MFSD2A: variants seen among roughly 807,000 people sequenced by gnomAD.
The protein encoded by MFSD2A is MFSD2 lysolipid transporter A, lysophospholipid.
A neutral mutation model predicts 64.7 loss-of-function variants in MFSD2A; 27 were observed. That is an observed-to-expected ratio of 0.42 (90% CI 0.31 to 0.58). The LOEUF is 0.58. MFSD2A is among the 20% of genes least tolerant of loss of function. The probability of loss-of-function intolerance (pLI) is 0.18; values close to 1 mark genes in which losing one functional copy is unlikely to be tolerated. For missense variants in MFSD2A, 474 were observed against 679.5 expected, an observed-to-expected ratio of 0.70 and a Z score of 3.36; for synonymous variants, 258 against 273.4, an observed-to-expected ratio of 0.94 and a Z score of 0.55.
At position 39,955,192 on chromosome 1, in the gene MFSD2A, C is replaced by A. The variant is rs1245401548; in HGVS notation, c.-101C>A. 3.0e-6 allele frequency: 3 copies of A among 1,010,686 alleles called. No homozygotes were observed. Among genetic ancestry groups the A allele is most frequent in the South Asian group, 6.9e-5 (2 of 29,144 alleles). 62.6% of individuals were successfully genotyped at this position (1,010,686 alleles called of 1,614,324 possible). Reference sequence around the variant, plus strand: ...GCCGGCTTGGCTAGCGCGCGGCGGCCGTGGCTAAGGCTGCTACGAAGCGAG... The same window carrying A: ...GCCGGCTTGGCTAGCGCGCGGCGGCAGTGGCTAAGGCTGCTACGAAGCGAG... On this transcript the variant is annotated 5_prime_UTR_variant, in exon 1 of 14. Transcript: ENST00000372811. The surrounding 1 kb of genome is among the most constrained non-coding windows in gnomAD (Gnocchi z 5.9).
chr1:39,969,090 G>A (rs970499855), intron 13 of MFSD2A, among the ~76,000 whole-genome samples: 2 of 152,224 alleles, frequency 1.3e-5, no homozygotes, highest in African/African-American at 4.8e-5. Context: ...AGGTGAAGAA[G>A]TTGAGGTTTC....
rs1644917988 is a variant in MFSD2A at position 39,955,912 on chromosome 1, G to A, written c.93+527G>A. 4.5e-6 allele frequency: 1 copy of A among 223,110 alleles called. No individual in the cohort carries two copies. The highest frequency in any genetic ancestry group is 9.4e-6 in the Non-Finnish European group (1 of 106,838). 13.8% of individuals were successfully genotyped at this position (223,110 alleles called of 1,614,324 possible). On this transcript the variant is annotated intron_variant, in intron 1 of 13. Transcript: ENST00000372811. The surrounding 1 kb of genome is among the most constrained non-coding windows in gnomAD (Gnocchi z 5.9). ...GATGTTCGCGCGGGAACGGTGCTTT[G>A]CGCATCGAGACCATCGACCACATCC...
rs1644980437 is a variant in MFSD2A, at chr1:39,958,921, TGAG to T, written c.353+100_353+102del. On this transcript the variant is annotated intron_variant, in intron 3 of 13. Coordinates refer to ENST00000372811, the MANE Select transcript of MFSD2A (RefSeq NM_032793.5). The surrounding 1 kb of genome is among the most constrained non-coding windows in gnomAD (Gnocchi z 4.7). ...CTCTGTCTTGTCACAGGCAGAAGGG[TGAG>T]GAGAAGGAAGGAGTTAAAAGCCCAA... The T allele has an allele frequency of 4.9e-6, 7 of 1,414,276 alleles. No individual in the cohort carries two copies. The highest frequency in any genetic ancestry group is 6.7e-6 in the Non-Finnish European group (7 of 1,047,384). 87.6% of individuals were successfully genotyped at this position (1,414,276 alleles called of 1,614,324 possible).
chr1:39,958,962 C>A lies in MFSD2A; in HGVS notation c.353+137C>A. On this transcript the variant is annotated intron_variant, in intron 3 of 13. Coordinates refer to ENST00000372811, the MANE Select transcript of MFSD2A (RefSeq NM_032793.5). This position sits in a 1 kb window ranked among gnomAD's most constrained non-coding sequence, Gnocchi z 4.7. Reference sequence around the variant, plus strand: ...GTTAAAAGCCCAAGGGTGTTGAAACCCCATCCGAGGCATCAGCTACCCTGA... The same window carrying A: ...GTTAAAAGCCCAAGGGTGTTGAAACACCATCCGAGGCATCAGCTACCCTGA... 1.9e-6 allele frequency: 2 copies of A among 1,052,858 alleles called. No homozygotes were observed. Among genetic ancestry groups the A allele is most frequent in the Non-Finnish European group, 2.7e-6 (2 of 733,096 alleles). The allele number at this position is 1,052,858 out of a possible 1,614,324, so 65.2% of individuals were successfully genotyped here.
rs959986763 is a variant in MFSD2A at position 39,965,670 on chromosome 1, A to G, written c.556+121A>G. ...TGGGTGTGAAACCATCTTAAAAATA[A>G]CTCAATCCCCTTATTGCTCAGATGA... is the stretch of plus-strand genomic sequence containing the variant. On this transcript the variant is annotated intron_variant, in intron 5 of 13. Transcript: ENST00000372811. This position sits in a 1 kb window ranked among gnomAD's most constrained non-coding sequence, Gnocchi z 5.5. The G allele has an allele frequency of 3.2e-6, 4 of 1,269,526 alleles. No individual in the cohort carries two copies. The African/African-American group carries it at 5.9e-5, about 19-fold the overall frequency. The allele number at this position is 1,269,526 out of a possible 1,614,324, so 78.6% of individuals were successfully genotyped here.
intron 6 of MFSD2A, among the ~76,000 whole-genome samples, 184 bp downstream of exon 6, chr1:39,966,198 A>T (rs1645157570): frequency 6.6e-6 from 1 of 152,266 alleles, no homozygotes. Flanking sequence ...GAGAGGCTGA[A>T]TAAGTTGCCC....
chr1:39,962,807 C>T, intron 3 of MFSD2A: 1 of 1,219,398 alleles, frequency 8.2e-7, no homozygotes, highest in Non-Finnish European at 1.2e-6. Flanking sequence ...TCTCTCTGCC[C>T]ATTAAGGGAT....
chr1:39,962,678 G>A (rs533799636), intron 3 of MFSD2A: 16 of 778,598 alleles, frequency 2.1e-5, no homozygotes, highest in South Asian at 1.2e-4. Flanking sequence ...GACGGGGCCC[G>A]GGCCGAAGCT....
Position 39,965,441 on chromosome 1 carries a change from G to A in MFSD2A, c.478-30G>A. 1 of 1,613,800 alleles carries A rather than the reference G, an allele frequency of 6.2e-7. No homozygotes were observed. The highest frequency in any genetic ancestry group is 1.3e-5 in the African/African-American group (1 of 74,970). ...GCTACATCAGTGTGTCCACCCGCCTGACCAGCCAATGACCTGTCTTCTATG... is the reference window on the plus strand; with the variant it reads ...GCTACATCAGTGTGTCCACCCGCCTAACCAGCCAATGACCTGTCTTCTATG... On this transcript the variant is annotated intron_variant, in intron 4 of 13. Transcript: ENST00000372811. The surrounding 1 kb of genome is among the most constrained non-coding windows in gnomAD (Gnocchi z 5.5).
intron 6 of MFSD2A, among the ~76,000 whole-genome samples, chr1:39,966,340 G>A (rs1645160563): frequency 6.6e-6 from 1 of 152,096 alleles, no homozygotes; most frequent in Non-Finnish European, 1.5e-5. Flanking sequence ...AAGTTGCCCA[G>A]GCTGGTTTCA....
chr1:39,966,631 A>C lies in MFSD2A; in HGVS notation c.745A>C (p.Ile249Leu), dbSNP rs776169997. The C allele has an allele frequency of 6.2e-7, 1 of 1,613,806 alleles. No homozygotes were observed. Among genetic ancestry groups the C allele is most frequent in the South Asian group, 1.1e-5 (1 of 91,036 alleles). The change falls in exon 7 of 14, where the codon ATT becomes CTT. Residue 249 changes from isoleucine (I) to leucine (L), a missense_variant. Coordinates refer to ENST00000372811, the MANE Select transcript of MFSD2A (RefSeq NM_032793.5). ...QKAYLLAAGVIVCIYIICAVI... is the reference protein window; with the variant it reads ...QKAYLLAAGVLVCIYIICAVI... ...GGCATACCTGCTGGCAGCGGGGGTC[A>C]TTGTCTGTATCTATATAATCTGTGC...
intron 7 of MFSD2A, 54 bp downstream of exon 7, chr1:39,966,745 T>C: frequency 1.2e-6 from 2 of 1,613,430 alleles, no homozygotes; most frequent in South Asian, 2.2e-5. Context: ...GCTGTATCTT[T>C]CTGCCTGGCC....
intron 6 of MFSD2A, 91 bp downstream of exon 6, chr1:39,966,105 TTAAA>T: frequency 6.9e-7 from 1 of 1,441,352 alleles, no homozygotes; most frequent in East Asian, 2.4e-5. Context: ...CTAGTGTTTA[TTAAA>T]TAAATGTTGG....
chr1:39,968,506 C>A lies in MFSD2A; in HGVS notation c.1352+29C>A. On this transcript the variant is annotated intron_variant, in intron 12 of 13. Transcript: ENST00000372811. The surrounding 1 kb of genome is among the most constrained non-coding windows in gnomAD (Gnocchi z 4.4). ...AGTGGGGTGGGGACCTGGGGCAGGA[C>A]TGGGCAGGGCCAGGCCCCAGGTGCC... 6.2e-7 allele frequency: 1 copy of A among 1,613,912 alleles called. No individual in the cohort carries two copies. The highest frequency in any genetic ancestry group is 2.2e-5 in the East Asian group (1 of 44,870).
rs1419716275 is a variant in MFSD2A at position 39,963,214 on chromosome 1, A to G, written c.354-1997A>G. On this transcript the variant is annotated intron_variant, in intron 3 of 13. Coordinates refer to ENST00000372811, the MANE Select transcript of MFSD2A (RefSeq NM_032793.5). This position sits in a 1 kb window ranked among gnomAD's most constrained non-coding sequence, Gnocchi z 4.2. ...ATGATGGCTGGTATCGATGACTGCT[A>G]CACCTCAGCCCGGGGCTGCACTGCC... 1.9e-6 allele frequency: 3 copies of G among 1,579,446 alleles called. No individual in the cohort carries two copies. Among genetic ancestry groups the G allele is most frequent in the African/African-American group, 1.3e-5 (1 of 74,458 alleles).
chr1:39,966,623 CG>C lies in MFSD2A; in HGVS notation c.742del (p.Val248SerfsTer7). On this transcript the variant is annotated frameshift_variant, in exon 7 of 14. Coordinates refer to ENST00000372811, the MANE Select transcript of MFSD2A (RefSeq NM_032793.5). LOFTEE classifies it high-confidence loss of function. ...RETQKAYLLA[A>X]GVIVCIYIIC... Reference sequence around the variant, plus strand: ...TAGCAAAAGGCATACCTGCTGGCAGCGGGGGTCATTGTCTGTATCTATATAA... The same window carrying C: ...TAGCAAAAGGCATACCTGCTGGCAGCGGGGTCATTGTCTGTATCTATATAA... The C allele has an allele frequency of 6.2e-7, 1 of 1,613,482 alleles. No individual in the cohort carries two copies. The highest frequency in any genetic ancestry group is 1.1e-5 in the South Asian group (1 of 90,988).
chr1:39,956,625 T>C (rs1023711528), intron 1 of MFSD2A, among the ~76,000 whole-genome samples: 1 of 152,156 alleles, frequency 6.6e-6, no homozygotes, highest in African/African-American at 2.4e-5. Flanking sequence ...GCTTAGGGGC[T>C]ACTTTCACAC....
chr1:39,967,281 G>A (rs146440339), intron 9 of MFSD2A, 112 bp downstream of exon 9: 3 of 936,674 alleles, frequency 3.2e-6, no homozygotes, highest in Non-Finnish European at 5.0e-6. Context: ...GGTCATGAAA[G>A]GATGAGGGAG....
chr1:39,964,978 A>G lies in MFSD2A; in HGVS notation c.354-233A>G. 1 of 584,270 alleles carries G rather than the reference A, an allele frequency of 1.7e-6. No homozygotes were observed. The highest frequency in any genetic ancestry group is 2.1e-5 in the South Asian group (1 of 48,644). 36.2% of individuals were successfully genotyped at this position (584,270 alleles called of 1,614,324 possible). On this transcript the variant is annotated intron_variant, in intron 3 of 13. Transcript: ENST00000372811. This position sits in a 1 kb window ranked among gnomAD's most constrained non-coding sequence, Gnocchi z 4.1. ...TGGACTAGACTCAGGCTCTGACCTC[A>G]CACTCCATGCCTAGGATTTCAGTCT...
Sources: allele counts gnomAD v4.1 joint callset (sites outside exome capture counted in the v4.1 genomes callset), GRCh38; gene constraint gnomAD v4.1.1; non-coding constraint Gnocchi (gnomAD v3.1); transcripts MANE v1.5; gene names NCBI Gene and HGNC (gene_info 2026-07-23, HGNC 2026-07-21).